Variants in FASN observed in about 807,000 individuals in gnomAD.
FASN encodes the protein 3-hydroxyacyl-[acyl-carrier-protein] dehydratase.
FASN carries 50 observed loss-of-function variants against 250.0 expected under a neutral mutation model. That is an observed-to-expected ratio of 0.20 (90% CI 0.16 to 0.25). The LOEUF is 0.25. Among genes scored for constraint, FASN ranks in the 10% least tolerant of loss-of-function variants. The pLI is 1.00. For missense variants in FASN, 3,031 were observed against 3,498.5 expected, an observed-to-expected ratio of 0.87 and a Z score of 3.37; for synonymous variants, 1,909 against 1,584.0, an observed-to-expected ratio of 1.21 and a Z score of -4.87.
rs1329742684 is a variant in FASN, at chr17:82,081,696, A to C, written c.6311T>G (p.Met2104Arg). The C allele has an allele frequency of 2.5e-6, 4 of 1,612,768 alleles. No homozygotes were observed. Among genetic ancestry groups the C allele is most frequent in the Non-Finnish European group, 3.4e-6 (4 of 1,179,994 alleles). ...VLDLFLNQPHMVLSSFVLAEK... is the reference protein window; with the variant it reads ...VLDLFLNQPHRVLSSFVLAEK... ...AGCCAGCACAAAGCTGCTCAGGACC[A>C]TGTGGGGCTGGTTCAGGAAGAGGTC... The change falls in exon 37 of 43, where the codon ATG (methionine) becomes AGG (arginine). Residue 2104 changes from methionine to arginine, a missense_variant. Coordinates refer to ENST00000306749, the MANE Select transcript of FASN (RefSeq NM_004104.5).
rs2033955758 is a variant in FASN, at chr17:82,079,798, A to G, written c.7147-190T>C. On this transcript the variant is annotated intron_variant, in intron 41 of 42. Transcript: ENST00000306749. ...TTCAAGCGATTCTCCTCCCTCCGCA[A>G]CCTCCACCTACCCGGTTCAAGCGAT... 4.4e-5 allele frequency: 34 copies of G among 766,864 alleles called. 1 individual carries two copies. The South Asian group carries it at 6.3e-4, about 14-fold the overall frequency. The allele number at this position is 766,864 out of a possible 1,614,324, so 47.5% of individuals were successfully genotyped here. A position where few individuals can be genotyped will look rare whatever the true frequency, so the allele number is the denominator to read the frequency against.
At chr17:82,080,335 T>G in intron 40 of FASN, 35 bp downstream of exon 40, 1 of 1,608,548 alleles carries the variant, frequency 6.2e-7, no homozygotes, top group South Asian at 1.1e-5. Context: ...GCCCAGACGT[T>G]TGCCGTAGGC....
chr17:82,080,083 C>T, intron 41 of FASN, 57 bp downstream of exon 41: 1 of 1,553,820 alleles, frequency 6.4e-7, no homozygotes, highest in Non-Finnish European at 8.9e-7. Flanking sequence ...TCCCTTCCCC[C>T]TTCCGTTCCT....
At position 82,085,044 on chromosome 17, in the gene FASN, T is replaced by G. The variant is rs770802103; in HGVS notation, c.4400A>C (p.Asn1467Thr). Reference sequence around the variant, plus strand: ...GGGGCCGTGCTCCTACCGGAGGCGGTTCCCGCCGGGCTCTCGGCGGAGACA... The same window carrying G: ...GGGGCCGTGCTCCTACCGGAGGCGGGTCCCGCCGGGCTCTCGGCGGAGACA... The part of the protein sequence containing the change: ...VNCLRREPGG[N>T]RLRCVLLSNL... The change falls in exon 25 of 43, where the codon AAC (asparagine) becomes ACC (threonine). Residue 1467 changes from asparagine (N) to threonine (T), a missense_variant. Asn to Thr is a moderately conservative substitution (Grantham distance 65). Coordinates refer to ENST00000306749, the MANE Select transcript of FASN (RefSeq NM_004104.5). The G allele has an allele frequency of 2.5e-6, 4 of 1,610,674 alleles. No homozygotes were observed. The highest frequency in any genetic ancestry group is 3.4e-6 in the Non-Finnish European group (4 of 1,179,038).
chr17:82,090,786 C>T, intron 10 of FASN, 96 bp downstream of exon 10: 1 of 1,422,980 alleles, frequency 7.0e-7, no homozygotes, highest in Non-Finnish European at 9.6e-7. Context: ...AAGGGGCTGT[C>T]AGGGGCCCCG....
In FASN at chr17:82,085,574, G is replaced by T; in HGVS notation, c.4030C>A (p.Leu1344Met). The T allele has an allele frequency of 6.3e-7, 1 of 1,596,462 alleles. No individual in the cohort carries two copies. The highest frequency in any genetic ancestry group is 8.5e-7 in the Non-Finnish European group (1 of 1,172,278). ...GGGTGCCCCCGGAGCAGTGTGTGCA[G>T]GAGCAGAAAGCCCCCTTCTCTCAGG... The part of the protein sequence containing the change: ...AALREGGFLL[L>M]HTLLRGHPLG... The change falls in exon 23 of 43, where the codon CTG becomes ATG. Residue 1344 changes from leucine to methionine, a missense_variant. By Grantham distance (15) the Leu-to-Met change is conservative. Coordinates refer to ENST00000306749, the MANE Select transcript of FASN (RefSeq NM_004104.5).
At chr17:82,097,780 G>A (rs955877703) in intron 1 of FASN, among the ~76,000 whole-genome samples, 1 of 152,138 alleles carries the variant, frequency 6.6e-6, no homozygotes, top group African/African-American at 2.4e-5. Context: ...GCTCCGGGAG[G>A]AGGATGCGGC....
In FASN at chr17:82,088,119, T is replaced by C. The variant is rs1377092573; in HGVS notation, c.2782A>G (p.Thr928Ala). The C allele has an allele frequency of 6.2e-7, 1 of 1,612,680 alleles. No homozygotes were observed. Among genetic ancestry groups the C allele is most frequent in the South Asian group, 1.1e-5 (1 of 91,074 alleles). Residue 928 changes from threonine (T) to alanine (A), a missense_variant, in exon 17 of 43, where the codon ACT becomes GCT. Coordinates refer to ENST00000306749, the MANE Select transcript of FASN (RefSeq NM_004104.5). Reference protein sequence around the residue: ...VLHQATILPKTGTVSLEVRLL... With the variant: ...VLHQATILPKAGTVSLEVRLL... Reference sequence around the variant, plus strand: ...TTGGTCCTGGGGTACCCCTCACCAGTCTTGGGCAGGATGGTGGCCTGGTGC... The same window carrying C: ...TTGGTCCTGGGGTACCCCTCACCAGCCTTGGGCAGGATGGTGGCCTGGTGC...
At position 82,089,069 on chromosome 17, in the gene FASN, T is replaced by C. The variant is rs1490645498; in HGVS notation, c.2204A>G (p.Asn735Ser). The C allele has an allele frequency of 5.0e-6, 8 of 1,592,824 alleles. No individual in the cohort carries two copies. The East Asian group carries it at 9.3e-5, about 18-fold the overall frequency. The change falls in exon 14 of 43, where the codon AAT (asparagine) becomes AGT (serine). Residue 735 changes from asparagine (N) to serine (S), a missense_variant. By Grantham distance (46) the Asn-to-Ser change is conservative. Transcript: ENST00000306749. ...SLARTSSAEY[N>S]VNNLVSPVLF... ...CACAGGGCTCACCAGGTTGTTGACA[T>C]TGTACTCGGCGGAGGACGTGCGTGC... is the stretch of plus-strand genomic sequence containing the variant.
Position 82,090,357 on chromosome 17 carries a change from C to T in FASN, c.1870+18G>A, listed in dbSNP as rs775852761. 7.5e-5 allele frequency: 117 copies of T among 1,566,020 alleles called. No individual in the cohort carries two copies. The East Asian group carries it at 8.4e-4, about 11-fold the overall frequency. The stretch of plus-strand genomic sequence containing the variant: ...CCTCCTTTCTTGGAGGTGCTGGGGG[C>T]CCCTCCGGGAGACCTACCCACGGCT... On this transcript the variant is annotated intron_variant, in intron 11 of 42. Transcript: ENST00000306749.
Position 82,087,877 on chromosome 17 carries a change from T to G in FASN, c.2867-16A>C, listed in dbSNP as rs2034133647. ...TACACCTTCCCTGTGGAAAGGGAGG[T>G]GCGGAAGGGCCTGAGGACGGGCGGC... On this transcript the variant is annotated splice_polypyrimidine_tract_variant and intron_variant, in intron 18 of 42. Transcript: ENST00000306749. The G allele has an allele frequency of 6.2e-7, 1 of 1,612,166 alleles. No homozygotes were observed. Among genetic ancestry groups the G allele is most frequent in the South Asian group, 1.1e-5 (1 of 91,078 alleles).
intron 8 of FASN, 59 bp from the exon 9 acceptor site, chr17:82,091,743 G>T: frequency 6.9e-7 from 1 of 1,442,864 alleles, no homozygotes; most frequent in Admixed American, 2.1e-5. Context: ...TGCCTGAGCT[G>T]GGGGCAGGCA....
chr17:82,089,216 C>A (rs778212927), intron 13 of FASN, 34 bp downstream of exon 13: 2 of 1,608,928 alleles, frequency 1.2e-6, no homozygotes, highest in South Asian at 2.2e-5. Context: ...GGTCCCCTGG[C>A]CCGCCCCGCA....
chr17:82,079,446 C>A lies in FASN; in HGVS notation c.7309G>T (p.Ala2437Ser), dbSNP rs1387830563. 3 of 1,612,914 alleles carry A rather than the reference C, an allele frequency of 1.9e-6. No homozygotes were observed. The highest frequency in any genetic ancestry group is 2.5e-6 in the Non-Finnish European group (3 of 1,179,998). Reference protein sequence around the residue: ...LRAAEQYTPKAKYHGNVMLLR... With the variant: ...LRAAEQYTPKSKYHGNVMLLR... ...AGCATCACGTTGCCATGGTACTTGG[C>A]CTTGGGTGTGTACTGCTCAGCGGCA... Residue 2437 changes from alanine (A) to serine (S), a missense_variant, in exon 42 of 43, where the codon GCC becomes TCC. Transcript: ENST00000306749.
intron 3 of FASN, among the ~76,000 whole-genome samples, chr17:82,095,061 A>C (rs1299663405): frequency 6.6e-6 from 1 of 152,164 alleles, no homozygotes; most frequent in Non-Finnish European, 1.5e-5. Flanking sequence ...CGGCCCCAGC[A>C]CCAGCCAGAC....
At position 82,087,199 on chromosome 17, in the gene FASN, T is replaced by C. The variant is rs754492904; in HGVS notation, c.3278A>G (p.His1093Arg). The C allele has an allele frequency of 2.5e-6, 4 of 1,606,622 alleles. No individual in the cohort carries two copies. The highest frequency in any genetic ancestry group is 3.4e-6 in the Non-Finnish European group (4 of 1,178,098). ...CGACTCAGTGTGGAGCCCGGAGATG[T>C]GGACGCCTCCGGCCACTGTGACCCT... ...WLRVTVAGGVHISGLHTESAP... is the reference protein window; with the variant it reads ...WLRVTVAGGVRISGLHTESAP... Residue 1093 changes from histidine (H) to arginine (R), a missense_variant, in exon 21 of 43, where the codon CAC becomes CGC. By Grantham distance (29) the His-to-Arg change is conservative. Coordinates refer to ENST00000306749, the MANE Select transcript of FASN (RefSeq NM_004104.5).
Position 82,090,456 on chromosome 17 carries a change from C to T in FASN, c.1789G>A (p.Glu597Lys), listed in dbSNP as rs527938822. The part of the protein sequence containing the change: ...CGYADGCLSQ[E>K]EAVLAAYWRG... ...CAGTAGGCAGCGAGGACGGCCTCCT[C>T]CTGGGACAGGCAGCCGTCGGCGTAG... is the stretch of plus-strand genomic sequence containing the variant. Residue 597 changes from glutamate (E) to lysine (K), a missense_variant, in exon 11 of 43, where the codon GAG (glutamate) becomes AAG (lysine). Coordinates refer to ENST00000306749, the MANE Select transcript of FASN (RefSeq NM_004104.5). 2.0e-5 allele frequency: 32 copies of T among 1,607,216 alleles called. No homozygotes were observed. In the East Asian group the frequency reaches 6.3e-4, roughly 32 times the overall value.
chr17:82,088,640 C>G, intron 15 of FASN, 78 bp from the exon 16 acceptor site: 1 of 1,525,346 alleles, frequency 6.6e-7, no homozygotes, highest in East Asian at 2.3e-5. Context: ...CCACTGCCTG[C>G]GGTGGACCAT....
At position 82,096,306 on chromosome 17, in the gene FASN, C is replaced by T. The variant is rs761252835; in HGVS notation, c.127+13G>A. The T allele has an allele frequency of 1.2e-5, 19 of 1,611,768 alleles. No individual in the cohort carries two copies. Among genetic ancestry groups the T allele is most frequent in the South Asian group, 8.8e-5 (8 of 91,078 alleles). On this transcript the variant is annotated intron_variant, in intron 2 of 42. Coordinates refer to ENST00000306749, the MANE Select transcript of FASN (RefSeq NM_004104.5). Reference sequence around the variant, plus strand: ...TTCACACCCCAGGCACGGGGAGCCCCGCAGCCACATACCCGCCTTCCAGCG... The same window carrying T: ...TTCACACCCCAGGCACGGGGAGCCCTGCAGCCACATACCCGCCTTCCAGCG...
Sources: gnomAD v4.1 joint callset for allele counts (sites outside exome capture counted in the v4.1 genomes callset) on GRCh38, gnomAD v4.1.1 for gene constraint, MANE v1.5 for transcripts, NCBI Gene and HGNC (gene_info 2026-07-23, HGNC 2026-07-21) for gene names.